CNTN3: variants seen among roughly 807,000 people sequenced by gnomAD.
The protein encoded by CNTN3 is contactin-3.
In CNTN3, 60 loss-of-function variants were observed where a neutral mutation model predicts 119.1. The ratio of observed to expected loss-of-function variants is 0.50; its 90% CI spans 0.41 to 0.62. The LOEUF is 0.62. Ranked by LOEUF, CNTN3 falls within the 20% of genes least tolerant of loss-of-function variation. The pLI is 0.00. For synonymous variants in CNTN3, 450 were observed against 438.7 expected, an observed-to-expected ratio of 1.03 and a Z score of -0.32; for missense variants, 1,101 against 1,242.4, an observed-to-expected ratio of 0.89 and a Z score of 1.71.
chr3:74,530,651 C>T (rs919179149), intron 1 of CNTN3, among the ~76,000 whole-genome samples: 5 of 152,016 alleles, frequency 3.3e-5, no homozygotes, highest in African/African-American at 4.8e-5. Context: ...GAATACATGA[C>T]GTTTCCTGTG....
chr3:74,315,852 A>C (rs1232571256), intron 13 of CNTN3, among the ~76,000 whole-genome samples: 4 of 152,216 alleles, frequency 2.6e-5, no homozygotes, highest in African/African-American at 4.8e-5. Context: ...TGAAACAATA[A>C]AAATCCTAGG....
intron 19 of CNTN3, among the ~76,000 whole-genome samples, chr3:74,290,905 T>C (rs1475381483): frequency 6.6e-6 from 1 of 151,916 alleles, no homozygotes; most frequent in African/African-American, 2.4e-5. Context: ...TTTTACTTTT[T>C]TATTTTTTTT....
At chr3:74,270,985 T>A (rs994032359) in intron 20 of CNTN3, among the ~76,000 whole-genome samples, 1 of 152,198 alleles carries the variant, frequency 6.6e-6, no homozygotes, top group African/African-American at 2.4e-5. Context: ...AAGTGTTACA[T>A]AAAGAAATAA....
intron 13 of CNTN3, among the ~76,000 whole-genome samples, chr3:74,320,806 C>T (rs1702969052): frequency 6.6e-6 from 1 of 152,044 alleles, no homozygotes; most frequent in South Asian, 2.1e-4. Flanking sequence ...TTATTGTGGA[C>T]ATATGCAATT....
intron 1 of CNTN3, among the ~76,000 whole-genome samples, chr3:74,593,415 G>C (rs1302044894): frequency 6.6e-6 from 1 of 151,976 alleles, no homozygotes; most frequent in Non-Finnish European, 1.5e-5. Context: ...GTTGATAGAA[G>C]ACAACTTCGT....
At chr3:74,456,613 G>C (rs115135442) in intron 4 of CNTN3, among the ~76,000 whole-genome samples, 1 of 152,066 alleles carries the variant, frequency 6.6e-6, no homozygotes, top group African/African-American at 2.4e-5. Context: ...GAAAGTACCC[G>C]ACATTCGCAC....
chr3:74,395,574 A>C (rs1369454208), intron 5 of CNTN3, among the ~76,000 whole-genome samples: 3 of 152,200 alleles, frequency 2.0e-5, no homozygotes, highest in African/African-American at 2.4e-5. Flanking sequence ...ACTCTGAAAA[A>C]GTTATTTTAT....
chr3:74,576,548 T>A (rs1015798927), intron 1 of CNTN3, among the ~76,000 whole-genome samples: 1 of 152,114 alleles, frequency 6.6e-6, no homozygotes, highest in Non-Finnish European at 1.5e-5. Context: ...ACATTAATCA[T>A]TTATATGTAA....
intron 1 of CNTN3, among the ~76,000 whole-genome samples, chr3:74,606,042 CA>C (rs1182762789): frequency 6.6e-6 from 1 of 151,548 alleles, no homozygotes; most frequent in Non-Finnish European, 1.5e-5. Context: ...CCTCTCCCCT[CA>C]AAAAAAAGTG....
chr3:74,419,645 T>C (rs975778681), intron 5 of CNTN3, among the ~76,000 whole-genome samples: 2 of 152,154 alleles, frequency 1.3e-5, no homozygotes, highest in African/African-American at 4.8e-5. Context: ...ATAGCAGAGA[T>C]ATGGAAAGCT....
intron 1 of CNTN3, among the ~76,000 whole-genome samples, chr3:74,586,864 T>C (rs1348816163): frequency 1.1e-4 from 17 of 152,044 alleles, no homozygotes; most frequent in Non-Finnish European, 1.5e-5. Context: ...ATATTAAATG[T>C]CTTTTCTCAA....
chr3:74,521,122 C>T lies in CNTN3; in HGVS notation c.-10G>A, dbSNP rs777921284. ...TCCATGGAAACATCATCTTTAATTG[C>T]CAAATGCAAGAGTAACTCTTGTCCA... On this transcript the variant is annotated 5_prime_UTR_variant, in exon 2 of 23. Coordinates refer to ENST00000263665, the MANE Select transcript of CNTN3 (RefSeq NM_020872.3). 1 of 1,584,822 alleles carries T rather than the reference C, an allele frequency of 6.3e-7. No individual in the cohort carries two copies. The highest frequency in any genetic ancestry group is 8.6e-7 in the Non-Finnish European group (1 of 1,160,722).
At chr3:74,489,213 T>G (rs754110418) in intron 3 of CNTN3, among the ~76,000 whole-genome samples, 7 of 152,122 alleles carry the variant, frequency 4.6e-5, no homozygotes, top group Non-Finnish European at 8.8e-5. Context: ...ATCTACTGAG[T>G]CAGAATCTGC....
intron 1 of CNTN3, among the ~76,000 whole-genome samples, chr3:74,571,153 G>C (rs1452669461): frequency 6.6e-6 from 1 of 152,156 alleles, no homozygotes; most frequent in Non-Finnish European, 1.5e-5. Flanking sequence ...TCTTCCCCTA[G>C]GTTGCAGTAC....
intron 3 of CNTN3, among the ~76,000 whole-genome samples, chr3:74,492,042 C>G (rs1193661114): frequency 6.6e-6 from 1 of 152,034 alleles, no homozygotes; most frequent in African/African-American, 2.4e-5. Flanking sequence ...GTAGCTTCAG[C>G]TTGGTGGTAA....
At position 74,298,076 on chromosome 3, in the gene CNTN3, T is replaced by C; in HGVS notation, c.2282A>G (p.Tyr761Cys). 1.2e-6 allele frequency: 2 copies of C among 1,614,048 alleles called. No homozygotes were observed. Among genetic ancestry groups the C allele is most frequent in the Non-Finnish European group, 8.5e-7 (1 of 1,179,940 alleles). ...TVVTSPDTPR[Y>C]VFRNESIVPY... ...CACGATGCTTTCATTCCTAAAGACA[T>C]ATCTTGGGGTGTCAGGGGATGTCAC... Residue 761 changes from tyrosine (Y) to cysteine (C), a missense_variant, in exon 18 of 23, where the codon TAT becomes TGT. Transcript: ENST00000263665.
intron 4 of CNTN3, among the ~76,000 whole-genome samples, chr3:74,454,040 A>C (rs1420891769): frequency 7.0e-6 from 1 of 142,210 alleles, no homozygotes; most frequent in Non-Finnish European, 1.5e-5. Flanking sequence ...CTTGGTGCAG[A>C]GCTGAGTTCA....
rs542545097 is a variant in CNTN3, at chr3:74,432,287, C to T, written c.359-7347G>A. Among the ~76,000 whole-genome samples the T allele has an allele frequency of 1.8e-3, 274 of 152,008 alleles. 2 individuals carry two copies. Among genetic ancestry groups the T allele is most frequent in the African/African-American group, 6.3e-3 (262 of 41,464 alleles). On this transcript the variant is annotated intron_variant, in intron 4 of 22. Coordinates refer to ENST00000263665, the MANE Select transcript of CNTN3 (RefSeq NM_020872.3). ...TATGGTTTTCACCCTTACTGTAAGT[C>T]AGGCTTGTCCAATCTTTTGGCTTCC...
intron 1 of CNTN3, among the ~76,000 whole-genome samples, chr3:74,612,210 T>C (rs998693932): frequency 6.6e-6 from 1 of 152,094 alleles, no homozygotes; most frequent in African/African-American, 2.4e-5. Context: ...AAGAGAAAGA[T>C]GCATATTTTG....
Sources: gnomAD v4.1 joint callset for allele counts (sites outside exome capture counted in the v4.1 genomes callset) on GRCh38, gnomAD v4.1.1 for gene constraint, MANE v1.5 for transcripts, NCBI Gene and HGNC (gene_info 2026-07-23, HGNC 2026-07-21) for gene names.